The following GPX2 variants were observed in gnomAD, a reference collection of about 807,000 sequenced individuals.
The protein encoded by GPX2 is glutathione peroxidase 2, also known as gastrointestinal glutathione peroxidase.
Under a neutral mutation model 14.1 loss-of-function variants are expected in GPX2, and 21 were observed. The observed-to-expected ratio is 1.48, with a 90% CI of 1.05 to 2.14. GPX2 has a LOEUF of 2.14. GPX2 is among the 30% of genes most tolerant of loss of function. The pLI is 0.00. For missense variants in GPX2, 241 were observed against 249.8 expected (o/e 0.96, Z 0.24); for synonymous variants, 94 against 95.2 (o/e 0.99, Z 0.07).
In GPX2 at chr14:64,940,520, C is replaced by T. The variant is rs1885574808; in HGVS notation, c.223-682G>A. 6.6e-6 allele frequency among the ~76,000 whole-genome samples: 1 copy of T among 152,118 alleles called. No individual in the cohort carries two copies. Among genetic ancestry groups the T allele is most frequent in the Non-Finnish European group, 1.5e-5 (1 of 68,024 alleles). On this transcript the variant is annotated intron_variant, in intron 1 of 1. Coordinates refer to ENST00000389614, the MANE Select transcript of GPX2 (RefSeq NM_002083.4). This position sits in a 1 kb window ranked among gnomAD's most constrained non-coding sequence, Gnocchi z 4.5. Reference sequence around the variant, plus strand: ...GGAAGAAGCTTTGATGAAGGAAGACCCCCATCCAAGAACATCTAGTTTTCA... The same window carrying T: ...GGAAGAAGCTTTGATGAAGGAAGACTCCCATCCAAGAACATCTAGTTTTCA...
intron 1 of GPX2, chr14:64,941,665 C>T: frequency 1.7e-6 from 1 of 594,414 alleles, no homozygotes; most frequent in Admixed American, 4.1e-5. Flanking sequence ...GTGAATTGAA[C>T]TAAGGGGATT....
At chr14:64,941,681 G>A (rs929808136) in intron 1 of GPX2, among the ~76,000 whole-genome samples, 1 of 152,140 alleles carries the variant, frequency 6.6e-6, no homozygotes, top group Non-Finnish European at 1.5e-5. Context: ...GGATTATAAC[G>A]AGAGGGTTCG....
intron 1 of GPX2, chr14:64,941,299 C>A (rs1885622235): frequency 2.8e-6 from 3 of 1,062,028 alleles, no homozygotes; most frequent in Non-Finnish European, 2.4e-6. Flanking sequence ...AACTCCTGAG[C>A]TCAAGCAATC....
chr14:64,939,955 G>T lies in GPX2; in HGVS notation c.223-117C>A. 1 of 1,461,992 alleles carries T rather than the reference G, an allele frequency of 6.8e-7. No individual in the cohort carries two copies. Among genetic ancestry groups the T allele is most frequent in the Non-Finnish European group, 9.0e-7 (1 of 1,116,662 alleles). The allele number at this position is 1,461,992 out of a possible 1,614,324, so 90.6% of individuals were successfully genotyped here. ...CCCCAGGGTCATTCTTTTTCACTGT[G>T]AAAGAGAGAGAGACAAGACAGACGA... On this transcript the variant is annotated intron_variant, in intron 1 of 1. Transcript: ENST00000389614. This position sits in a 1 kb window ranked among gnomAD's most constrained non-coding sequence, Gnocchi z 5.7.
chr14:64,941,055 TTC>T (rs1211057592), intron 1 of GPX2, among the ~76,000 whole-genome samples: 1 of 152,182 alleles, frequency 6.6e-6, no homozygotes, highest in Non-Finnish European at 1.5e-5. Context: ...TCTAGTGGAC[TTC>T]TCTGTTTTTG....
In GPX2 at chr14:64,939,232, A is replaced by G; in HGVS notation, c.*256T>C. ...CCTTCACGCCTCTCAGACACCACCC[A>G]TGAGGGTTTAGGAAGGTGCCATCAT... On this transcript the variant is annotated 3_prime_UTR_variant, in exon 2 of 2. Transcript: ENST00000389614. The surrounding 1 kb of genome is among the most constrained non-coding windows in gnomAD (Gnocchi z 5.7). The G allele has an allele frequency of 2.1e-6, 1 of 474,866 alleles. No individual in the cohort carries two copies. The highest frequency in any genetic ancestry group is 3.5e-5 in the Admixed American group (1 of 28,660). 29.4% of individuals were successfully genotyped at this position (474,866 alleles called of 1,614,324 possible). A position where few individuals can be genotyped will look rare whatever the true frequency, so the allele number is the denominator to read the frequency against.
At position 64,939,663 on chromosome 14, in the gene GPX2, AG is replaced by A. The variant is rs1462057414; in HGVS notation, c.397del (p.Leu133SerfsTer?). 6.2e-7 allele frequency: 1 copy of A among 1,614,108 alleles called. No homozygotes were observed. Among genetic ancestry groups the A allele is most frequent in the Admixed American group, 1.7e-5 (1 of 60,012 alleles). ...AATGATGAGCTTGGGATCGGTCATGAGGGAAAATGGGTCATCATAAGGGTAG... is the reference window on the plus strand; with the variant it reads ...AATGATGAGCTTGGGATCGGTCATGAGGAAAATGGGTCATCATAAGGGTAG... ...LPYPYDDPFS[L>X]MTDPKLIIWS... On this transcript the variant is annotated frameshift_variant, in exon 2 of 2. Transcript: ENST00000389614. LOFTEE classifies it high-confidence loss of function. The surrounding 1 kb of genome is among the most constrained non-coding windows in gnomAD (Gnocchi z 5.7).
rs1885543641 is a variant in GPX2 at position 64,940,061 on chromosome 14, CACA to C, written c.223-226_223-224del. 6.8e-7 allele frequency: 1 copy of C among 1,468,590 alleles called. No individual in the cohort carries two copies. The highest frequency in any genetic ancestry group is 9.1e-7 in the Non-Finnish European group (1 of 1,104,358). The allele number at this position is 1,468,590 out of a possible 1,614,324, so 91.0% of individuals were successfully genotyped here. The stretch of plus-strand genomic sequence containing the variant: ...CCTCTTTAGTAGCTGAGACTACAGA[CACA>C]GGCCACCATGCCCGGCTAATTTTTT... On this transcript the variant is annotated intron_variant, in intron 1 of 1. Transcript: ENST00000389614. The surrounding 1 kb of genome is among the most constrained non-coding windows in gnomAD (Gnocchi z 4.5).
At chr14:64,941,433 C>T in intron 1 of GPX2, 1 of 1,288,188 alleles carries the variant, frequency 7.8e-7, no homozygotes, top group Non-Finnish European at 1.0e-6. Flanking sequence ...CCTCCAGCAA[C>T]TTGCTAGGCT....
At position 64,940,532 on chromosome 14, in the gene GPX2, A is replaced by G. The variant is rs1444257715; in HGVS notation, c.223-694T>C. ...GATGAAGGAAGACCCCCATCCAAGA[A>G]CATCTAGTTTTCAGGTGCCATAACA... On this transcript the variant is annotated intron_variant, in intron 1 of 1. Coordinates refer to ENST00000389614, the MANE Select transcript of GPX2 (RefSeq NM_002083.4). The surrounding 1 kb of genome is among the most constrained non-coding windows in gnomAD (Gnocchi z 4.5). Among the ~76,000 whole-genome samples the G allele has an allele frequency of 6.6e-6, 1 of 152,202 alleles. No individual in the cohort carries two copies. The highest frequency in any genetic ancestry group is 1.5e-5 in the Non-Finnish European group (1 of 68,036).
intron 1 of GPX2, 95 bp downstream of exon 1, chr14:64,942,410 A>G: frequency 1.1e-6 from 1 of 937,590 alleles, no homozygotes; most frequent in Non-Finnish European, 1.7e-6. Context: ...ATTATTCCAG[A>G]CACTCCAAAA....
In GPX2 at chr14:64,939,374, G is replaced by T; in HGVS notation, c.*114C>A. On this transcript the variant is annotated 3_prime_UTR_variant, in exon 2 of 2. Transcript: ENST00000389614. The surrounding 1 kb of genome is among the most constrained non-coding windows in gnomAD (Gnocchi z 5.7). Reference sequence around the variant, plus strand: ...GAAAGGCAAGGCTCTGCAGTGAAGGGGACTGATATCAAGGGAATGCTGAGG... The same window carrying T: ...GAAAGGCAAGGCTCTGCAGTGAAGGTGACTGATATCAAGGGAATGCTGAGG... 1.3e-6 allele frequency: 1 copy of T among 788,186 alleles called. No individual in the cohort carries two copies. The allele number at this position is 788,186 out of a possible 1,614,324, so 48.8% of individuals were successfully genotyped here.
rs1468701182 is a variant in GPX2 at position 64,940,114 on chromosome 14, C to T, written c.223-276G>A. 15 of 1,396,082 alleles carry T rather than the reference C, an allele frequency of 1.1e-5. No homozygotes were observed. The highest frequency in any genetic ancestry group is 1.2e-5 in the Non-Finnish European group (13 of 1,058,636). 86.5% of individuals were successfully genotyped at this position (1,396,082 alleles called of 1,614,324 possible). On this transcript the variant is annotated intron_variant, in intron 1 of 1. Coordinates refer to ENST00000389614, the MANE Select transcript of GPX2 (RefSeq NM_002083.4). This position sits in a 1 kb window ranked among gnomAD's most constrained non-coding sequence, Gnocchi z 4.5. ...TTTTTTTTTTGTAGAGATGGGGTCT[C>T]ACTTTGTTGCCCATGCTTTGGCTGC...
In GPX2 at chr14:64,939,437, G is replaced by T. The variant is rs1471966487; in HGVS notation, c.*51C>A. 4 of 1,423,530 alleles carry T rather than the reference G, an allele frequency of 2.8e-6. No individual in the cohort carries two copies. In the East Asian group the frequency reaches 6.8e-5, roughly 24 times the overall value. 88.2% of individuals were successfully genotyped at this position (1,423,530 alleles called of 1,614,324 possible). ...TCCTGAAGGCATGCTGCATCCTAAGGCTCCTCAGGACTGGATGGAGTAGGA... is the reference window on the plus strand; with the variant it reads ...TCCTGAAGGCATGCTGCATCCTAAGTCTCCTCAGGACTGGATGGAGTAGGA... On this transcript the variant is annotated 3_prime_UTR_variant, in exon 2 of 2. Coordinates refer to ENST00000389614, the MANE Select transcript of GPX2 (RefSeq NM_002083.4). This position sits in a 1 kb window ranked among gnomAD's most constrained non-coding sequence, Gnocchi z 5.7.
Position 64,942,735 on chromosome 14 carries a change from G to A in GPX2, c.-9C>T, listed in dbSNP as rs763454050. 61 of 1,606,204 alleles carry A rather than the reference G, an allele frequency of 3.8e-5. No individual in the cohort carries two copies. Among genetic ancestry groups the A allele is most frequent in the Non-Finnish European group, 4.6e-5 (54 of 1,173,774 alleles). On this transcript the variant is annotated 5_prime_UTR_variant, in exon 1 of 2. Transcript: ENST00000389614. ...TTGGCAATGAAAGCCATGGTGAAGC[G>A]CAGAGTGAGCCCCGCAGAGAGGCCT...
At chr14:64,941,334 C>A (rs376661842) in intron 1 of GPX2, 1 of 1,203,768 alleles carries the variant, frequency 8.3e-7, no homozygotes, top group Non-Finnish European at 1.1e-6. Context: ...TCCCAAAGCG[C>A]TGGGATTATA....
rs1420089004 is a variant in GPX2, at chr14:64,939,517, T to C, written c.544A>G (p.Ile182Val). 2 of 1,614,004 alleles carry C rather than the reference T, an allele frequency of 1.2e-6. No individual in the cohort carries two copies. Among genetic ancestry groups the C allele is most frequent in the African/African-American group, 1.3e-5 (1 of 74,924 alleles). The change falls in exon 2 of 2, where the codon ATC becomes GTC. Residue 182 changes from isoleucine to valine, a missense_variant. Ile to Val is a conservative substitution (Grantham distance 29). Transcript: ENST00000389614. The surrounding 1 kb of genome is among the most constrained non-coding windows in gnomAD (Gnocchi z 5.7). ...TFPTINIEPD[I>V]KRLLKVAI is the part of the protein sequence containing the mutation. ...ATGGCAACTTTAAGGAGGCGCTTGA[T>C]GTCAGGCTCAATGTTGATGGTTGGG...
rs745346916 is a variant in GPX2, at chr14:64,942,716, A to G, written c.11T>C (p.Ile4Thr). The G allele has an allele frequency of 2.0e-5, 32 of 1,613,646 alleles. No homozygotes were observed. The Middle Eastern group carries it at 4.9e-4, about 25-fold the overall frequency. The change falls in exon 1 of 2, where the codon ATT (isoleucine) becomes ACT (threonine). Residue 4 changes from isoleucine to threonine, a missense_variant. Ile to Thr is a moderately conservative substitution (Grantham distance 89). Transcript: ENST00000389614. ...ACTGAGGTCATAGAAGGACTTGGCAATGAAAGCCATGGTGAAGCGCAGAGT... is the reference window on the plus strand; with the variant it reads ...ACTGAGGTCATAGAAGGACTTGGCAGTGAAAGCCATGGTGAAGCGCAGAGT... MAF[I>T]AKSFYDLSAI...
chr14:64,940,069 A>G lies in GPX2; in HGVS notation c.223-231T>C, dbSNP rs960757962. 2 of 1,459,542 alleles carry G rather than the reference A, an allele frequency of 1.4e-6. No homozygotes were observed. The highest frequency in any genetic ancestry group is 4.3e-5 in the Admixed American group (2 of 46,668). The allele number at this position is 1,459,542 out of a possible 1,614,324, so 90.4% of individuals were successfully genotyped here. A position where few individuals can be genotyped will look rare whatever the true frequency, so the allele number is the denominator to read the frequency against. Reference sequence around the variant, plus strand: ...GTAGCTGAGACTACAGACACAGGCCACCATGCCCGGCTAATTTTTTTTTTT... The same window carrying G: ...GTAGCTGAGACTACAGACACAGGCCGCCATGCCCGGCTAATTTTTTTTTTT... On this transcript the variant is annotated intron_variant, in intron 1 of 1. Coordinates refer to ENST00000389614, the MANE Select transcript of GPX2 (RefSeq NM_002083.4). The surrounding 1 kb of genome is among the most constrained non-coding windows in gnomAD (Gnocchi z 4.5).
Sources: gnomAD v4.1 joint callset for allele counts (sites outside exome capture counted in the v4.1 genomes callset) on GRCh38, gnomAD v4.1.1 for gene constraint, Gnocchi (gnomAD v3.1) non-coding constraint, MANE v1.5 for transcripts, NCBI Gene and HGNC (gene_info 2026-07-23, HGNC 2026-07-21) for gene names.